C8orf82: variants seen among roughly 807,000 people sequenced by gnomAD.
C8orf82 encodes the protein UPF0598 protein C8orf82.
In C8orf82, 24 loss-of-function variants were observed where a neutral mutation model predicts 15.0. The observed-to-expected ratio is 1.60, with a 90% CI of 1.16 to 2.24. The LOEUF (loss-of-function observed/expected upper bound fraction) is 2.24, where lower values mean the gene tolerates loss of function less well. C8orf82 is among the 30% of genes most tolerant of loss of function. C8orf82 has a pLI of 0.00. For missense variants in C8orf82, 388 were observed against 317.4 expected (o/e 1.22, Z -1.69); for synonymous variants, 205 against 152.2 (o/e 1.35, Z -2.55).
rs1458378186 is a variant in C8orf82 at position 144,528,261 on chromosome 8, T to C, written c.157-189A>G. 2.0e-6 allele frequency: 3 copies of C among 1,500,546 alleles called. No homozygotes were observed. The South Asian group carries it at 3.7e-5, about 19-fold the overall frequency. The allele number at this position is 1,500,546 out of a possible 1,614,324, so 93.0% of individuals were successfully genotyped here. A position where few individuals can be genotyped will look rare whatever the true frequency, so the allele number is the denominator to read the frequency against. ...GGCCCCGCCGACTTATCCGCGTCTATGCGCACCTCTGCTCCCTGGTCAGCC... is the reference window on the plus strand; with the variant it reads ...GGCCCCGCCGACTTATCCGCGTCTACGCGCACCTCTGCTCCCTGGTCAGCC... On this transcript the variant is annotated intron_variant, in intron 1 of 2. Transcript: ENST00000524821.
chr8:144,528,819 C>T lies in C8orf82; in HGVS notation c.98G>A (p.Gly33Asp). 1 of 1,516,240 alleles carries T rather than the reference C, an allele frequency of 6.6e-7. No individual in the cohort carries two copies. The highest frequency in any genetic ancestry group is 8.8e-7 in the Non-Finnish European group (1 of 1,134,462). 93.9% of individuals were successfully genotyped at this position (1,516,240 alleles called of 1,614,324 possible). The stretch of plus-strand genomic sequence containing the variant: ...GCGGGTCCGCGGCTCCGGACTCTGG[C>T]CCTGCGTGTAGGAAACGCCCCCATC... Reference protein sequence around the residue: ...SGDGGVSYTQGQSPEPRTREY... With the variant: ...SGDGGVSYTQDQSPEPRTREY... The change falls in exon 1 of 3, where the codon GGC (glycine) becomes GAC (aspartate). Residue 33 changes from glycine to aspartate, a missense_variant. Gly to Asp is a moderately conservative substitution (Grantham distance 94). Transcript: ENST00000524821.
rs760302029 is a variant in C8orf82, at chr8:144,529,075, G to C, written c.-159C>G. On this transcript the variant is annotated 5_prime_UTR_variant, in exon 1 of 3. Coordinates refer to ENST00000524821, the MANE Select transcript of C8orf82 (RefSeq NM_001001795.2). ...CCTCTCCCTCGGGCCTCGGGGGCTC[G>C]CCCGCCCTGGCCTTCCGAGAGGCGT... The C allele has an allele frequency of 1.5e-6, 1 of 645,786 alleles. No homozygotes were observed. Among genetic ancestry groups the C allele is most frequent in the Non-Finnish European group, 2.3e-6 (1 of 430,898 alleles). 40.0% of individuals were successfully genotyped at this position (645,786 alleles called of 1,614,324 possible).
In C8orf82 at chr8:144,529,016, C is replaced by A; in HGVS notation, c.-100G>T. 1 of 1,220,204 alleles carries A rather than the reference C, an allele frequency of 8.2e-7. No individual in the cohort carries two copies. Among genetic ancestry groups the A allele is most frequent in the Non-Finnish European group, 1.1e-6 (1 of 941,900 alleles). The allele number at this position is 1,220,204 out of a possible 1,614,324, so 75.6% of individuals were successfully genotyped here. A position where few individuals can be genotyped will look rare whatever the true frequency, so the allele number is the denominator to read the frequency against. On this transcript the variant is annotated 5_prime_UTR_variant, in exon 1 of 3. Transcript: ENST00000524821. ...AGCCCCGCGCTTCGCGTTCCGGCGG[C>A]GCCCGCCTCCGCGACCCGGGCCCGG...
chr8:144,528,803 CG>C lies in C8orf82; in HGVS notation c.113del (p.Pro38ArgfsTer23). On this transcript the variant is annotated frameshift_variant, in exon 1 of 3. Transcript: ENST00000524821. LOFTEE classifies it high-confidence loss of function. Reference sequence around the variant, plus strand: ...CGTAGTAGAAATACTCGCGGGTCCGCGGCTCCGGACTCTGGCCCTGCGTGTA... The same window carrying C: ...CGTAGTAGAAATACTCGCGGGTCCGCGCTCCGGACTCTGGCCCTGCGTGTA... ...VSYTQGQSPE[P>X]RTREYFYYVD... is the part of the protein sequence containing the mutation. 3 of 1,469,320 alleles carry C rather than the reference CG, an allele frequency of 2.0e-6. No homozygotes were observed. Among genetic ancestry groups the C allele is most frequent in the Non-Finnish European group, 2.7e-6 (3 of 1,110,704 alleles). 91.0% of individuals were successfully genotyped at this position (1,469,320 alleles called of 1,614,324 possible).
In C8orf82 at chr8:144,528,072, G is replaced by C. The variant is rs768793690; in HGVS notation, c.157C>G (p.Leu53Val). The C allele has an allele frequency of 2.4e-5, 39 of 1,612,714 alleles. No individual in the cohort carries two copies. The highest frequency in any genetic ancestry group is 3.3e-5 in the Non-Finnish European group (39 of 1,179,916). ...YFYYVDHQGQ[L>V]FLDDSKMKNF... ...TTCATTTTGGAATCATCCAGGAAAA[G>C]CTGCAGATAGAGGGCCAGGCCGTGA... The change falls in exon 2 of 3, where the codon CTT becomes GTT. Residue 53 changes from leucine (L) to valine (V), a missense_variant and splice_region_variant. Coordinates refer to ENST00000524821, the MANE Select transcript of C8orf82 (RefSeq NM_001001795.2).
chr8:144,528,615 C>CGGGGGGGGGGGGGGGGG, intron 1 of C8orf82, 146 bp downstream of exon 1: 7 of 268,476 alleles, frequency 2.6e-5, no homozygotes, highest in Non-Finnish European at 4.1e-5. Context: ...CGCGCAGGCC[C>CGGGGGGGGGGGGGGGGG]CGCCCACCCA....
chr8:144,527,301 C>A lies in C8orf82; in HGVS notation c.*41G>T. 1 of 1,144,566 alleles carries A rather than the reference C, an allele frequency of 8.7e-7. No homozygotes were observed. The highest frequency in any genetic ancestry group is 1.1e-6 in the Non-Finnish European group (1 of 927,548). The allele number at this position is 1,144,566 out of a possible 1,614,324, so 70.9% of individuals were successfully genotyped here. On this transcript the variant is annotated 3_prime_UTR_variant, in exon 3 of 3. Transcript: ENST00000524821. ...GGCGTGGAGTCCCGGGGGAGCGGGG[C>A]GAGAGGCGCCCGCGGCCTCCCGCCT... is the stretch of plus-strand genomic sequence containing the variant.
rs1338834938 is a variant in C8orf82 at position 144,526,585 on chromosome 8, C to CG, written c.*756dup. The CG allele has an allele frequency of 6.6e-6, 1 of 152,300 alleles. No individual in the cohort carries two copies. The highest frequency in any genetic ancestry group is 1.5e-5 in the Non-Finnish European group (1 of 68,064). The allele number at this position is 152,300 out of a possible 1,614,324, so 9.4% of individuals were successfully genotyped here. A position where few individuals can be genotyped will look rare whatever the true frequency, so the allele number is the denominator to read the frequency against. ...AACTCCCTAATCCGCTGGGCAGGGG[C>CG]GGGGTGTCACACGCAGGATTCCGCG... is the stretch of plus-strand genomic sequence containing the variant. On this transcript the variant is annotated 3_prime_UTR_variant, in exon 3 of 3. Coordinates refer to ENST00000524821, the MANE Select transcript of C8orf82 (RefSeq NM_001001795.2).
In C8orf82 at chr8:144,528,414, G is replaced by T. The variant is rs1053440166; in HGVS notation, c.157-342C>A. 21 of 1,491,060 alleles carry T rather than the reference G, an allele frequency of 1.4e-5. No homozygotes were observed. In the Admixed American group the frequency reaches 3.8e-4, roughly 27 times the overall value. The allele number at this position is 1,491,060 out of a possible 1,614,324, so 92.4% of individuals were successfully genotyped here. A position where few individuals can be genotyped will look rare whatever the true frequency, so the allele number is the denominator to read the frequency against. On this transcript the variant is annotated intron_variant, in intron 1 of 2. Coordinates refer to ENST00000524821, the MANE Select transcript of C8orf82 (RefSeq NM_001001795.2). ...CTTTTGACAGGGCTTCCAAAAAAAG[G>T]CAGGGCGGCCCGGGTGTCTCCCTGG...
Position 144,527,628 on chromosome 8 carries a change from T to C in C8orf82, c.365A>G (p.His122Arg). The change falls in exon 3 of 3, where the codon CAC becomes CGC. Residue 122 changes from histidine to arginine, a missense_variant. Coordinates refer to ENST00000524821, the MANE Select transcript of C8orf82 (RefSeq NM_001001795.2). ...GCAGTAGGAGAGGCGCGGAGGCCCGTGGTCCGCGGTCAGCAGGTGCGTGAA... is the reference window on the plus strand; with the variant it reads ...GCAGTAGGAGAGGCGCGGAGGCCCGCGGTCCGCGGTCAGCAGGTGCGTGAA... Reference protein sequence around the residue: ...VVFTHLLTADHGPPRLSYCGG... With the variant: ...VVFTHLLTADRGPPRLSYCGG... 6.5e-7 allele frequency: 1 copy of C among 1,533,934 alleles called. No homozygotes were observed. The highest frequency in any genetic ancestry group is 8.7e-7 in the Non-Finnish European group (1 of 1,145,696).
At chr8:144,528,705 C>T in intron 1 of C8orf82, 56 bp downstream of exon 1, 1 of 576,544 alleles carries the variant, frequency 1.7e-6, no homozygotes, top group Non-Finnish European at 2.4e-6. Flanking sequence ...CCCCCCGCCC[C>T]GCCCAGAGAC....
chr8:144,527,252 G>C lies in C8orf82; in HGVS notation c.*90C>G. Reference sequence around the variant, plus strand: ...GCGCAGGCGCACTAGGCTGCCGCGAGCGCGGGTGGCGCGGGCTTTCCGGGG... The same window carrying C: ...GCGCAGGCGCACTAGGCTGCCGCGACCGCGGGTGGCGCGGGCTTTCCGGGG... On this transcript the variant is annotated 3_prime_UTR_variant, in exon 3 of 3. Coordinates refer to ENST00000524821, the MANE Select transcript of C8orf82 (RefSeq NM_001001795.2). 3.2e-6 allele frequency: 3 copies of C among 930,130 alleles called. No homozygotes were observed. Among genetic ancestry groups the C allele is most frequent in the Non-Finnish European group, 4.1e-6 (3 of 739,846 alleles). The allele number at this position is 930,130 out of a possible 1,614,324, so 57.6% of individuals were successfully genotyped here.
intron 1 of C8orf82, 46 bp downstream of exon 1, chr8:144,528,715 C>T (rs1319225390): frequency 9.6e-6 from 6 of 627,872 alleles, no homozygotes; most frequent in Non-Finnish European, 1.3e-5. Flanking sequence ...CGCCCAGAGA[C>T]CTCTCCCGGC....
In C8orf82 at chr8:144,529,036, GC is replaced by G; in HGVS notation, c.-121del. ...GGCGGCGCCCGCCTCCGCGACCCGG[GC>G]CCGGCGCTCTTCCCTCTCCCTCGGG... On this transcript the variant is annotated 5_prime_UTR_variant, in exon 1 of 3. Transcript: ENST00000524821. 9.3e-7 allele frequency: 1 copy of G among 1,078,702 alleles called. No individual in the cohort carries two copies. Among genetic ancestry groups the G allele is most frequent in the Non-Finnish European group, 1.2e-6 (1 of 817,112 alleles). The allele number at this position is 1,078,702 out of a possible 1,614,324, so 66.8% of individuals were successfully genotyped here.
intron 1 of C8orf82, chr8:144,528,543 G>A (rs970562625): frequency 1.5e-6 from 2 of 1,337,444 alleles, no homozygotes; most frequent in Non-Finnish European, 2.0e-6. Context: ...GGCCCGGACC[G>A]ACCCAACTCC....
Position 144,529,099 on chromosome 8 carries a change from G to C in C8orf82, c.-183C>G, listed in dbSNP as rs528088857. The C allele has an allele frequency of 2.6e-4, 140 of 534,802 alleles. No individual in the cohort carries two copies. Among genetic ancestry groups the C allele is most frequent in the African/African-American group, 2.5e-3 (125 of 49,406 alleles). 33.1% of individuals were successfully genotyped at this position (534,802 alleles called of 1,614,324 possible). A position where few individuals can be genotyped will look rare whatever the true frequency, so the allele number is the denominator to read the frequency against. On this transcript the variant is annotated 5_prime_UTR_variant, in exon 1 of 3. Coordinates refer to ENST00000524821, the MANE Select transcript of C8orf82 (RefSeq NM_001001795.2). ...CGCCCGCCCTGGCCTTCCGAGAGGC[G>C]TGTGCCGGTGACGCCCCTTCCGGTC...
chr8:144,527,930 T>G (rs758584757), intron 2 of C8orf82, 94 bp downstream of exon 2: 6 of 1,509,910 alleles, frequency 4.0e-6, no homozygotes, highest in Non-Finnish European at 4.6e-6. Flanking sequence ...CGCCCACTCC[T>G]TGGTGCGCTG....
Position 144,527,335 on chromosome 8 carries a change from G to GC in C8orf82, c.*6dup. 8.5e-7 allele frequency: 1 copy of GC among 1,176,356 alleles called. No homozygotes were observed. The highest frequency in any genetic ancestry group is 1.1e-6 in the Non-Finnish European group (1 of 950,174). 72.9% of individuals were successfully genotyped at this position (1,176,356 alleles called of 1,614,324 possible). Reference sequence around the variant, plus strand: ...CCCGCGGCCTCCCGCCTTTCCCTTGGCCCCGCTCAGGGCGACCGAGCCGCG... The same window carrying GC: ...CCCGCGGCCTCCCGCCTTTCCCTTGGCCCCCGCTCAGGGCGACCGAGCCGCG... On this transcript the variant is annotated 3_prime_UTR_variant, in exon 3 of 3. Coordinates refer to ENST00000524821, the MANE Select transcript of C8orf82 (RefSeq NM_001001795.2).
Position 144,527,233 on chromosome 8 carries a change from G to A in C8orf82, c.*109C>T, listed in dbSNP as rs917527456. 3 of 737,428 alleles carry A rather than the reference G, an allele frequency of 4.1e-6. No individual in the cohort carries two copies. The highest frequency in any genetic ancestry group is 1.9e-5 in the African/African-American group (1 of 52,880). The allele number at this position is 737,428 out of a possible 1,614,324, so 45.7% of individuals were successfully genotyped here. Reference sequence around the variant, plus strand: ...GGTGGGGGCGGGGCCGAGCGCGCAGGCGCACTAGGCTGCCGCGAGCGCGGG... The same window carrying A: ...GGTGGGGGCGGGGCCGAGCGCGCAGACGCACTAGGCTGCCGCGAGCGCGGG... On this transcript the variant is annotated 3_prime_UTR_variant, in exon 3 of 3. Transcript: ENST00000524821.
Sources: allele counts gnomAD v4.1 joint callset, GRCh38; gene constraint gnomAD v4.1.1; transcripts MANE v1.5; gene names NCBI Gene and HGNC (gene_info 2026-07-23, HGNC 2026-07-21).